The following KALRN variants were observed in gnomAD, a reference collection of about 807,000 sequenced individuals.
KALRN encodes kalirin RhoGEF kinase, also known as kalirin.
Under a neutral mutation model 353.7 loss-of-function variants are expected in KALRN, and 70 were observed. The observed-to-expected ratio is 0.20, with a 90% confidence interval of 0.16 to 0.24. The LOEUF is 0.24. Among genes scored for constraint, KALRN ranks in the 10% least tolerant of loss-of-function variants. The pLI, the probability that KALRN is intolerant of heterozygous loss-of-function variation, is 1.00. For missense variants in KALRN, 2,791 were observed against 3,756.7 expected (o/e 0.74, Z 6.72); for synonymous variants, 1,391 against 1,434.8 (o/e 0.97, Z 0.69).
intron 1 of KALRN, among the ~76,000 whole-genome samples, chr3:124,096,998 A>G (rs1026921975): frequency 2.0e-5 from 3 of 152,220 alleles, no homozygotes; most frequent in African/African-American, 7.2e-5. Flanking sequence ...GGTTTTCCTT[A>G]ATGTGAAGTT....
At chr3:124,238,944 C>T (rs2080109955) in intron 3 of KALRN, among the ~76,000 whole-genome samples, 1 of 152,152 alleles carries the variant, frequency 6.6e-6, no homozygotes, top group Admixed American at 6.5e-5. Context: ...GGGAAGAAAC[C>T]TTAAACGTCT....
At chr3:124,270,611 T>C (rs2074031599) in intron 5 of KALRN, among the ~76,000 whole-genome samples, 1 of 152,138 alleles carries the variant, frequency 6.6e-6, no homozygotes, top group African/African-American at 2.4e-5. Flanking sequence ...TGGGAACTTC[T>C]GACCTTTCTT....
At chr3:124,272,683 G>C (rs1019010870) in intron 5 of KALRN, among the ~76,000 whole-genome samples, 2 of 152,156 alleles carry the variant, frequency 1.3e-5, no homozygotes, top group African/African-American at 4.8e-5. Context: ...AATATTTTGA[G>C]GTTGAGTCAG....
At position 124,681,629 on chromosome 3, in the gene KALRN, CTT is replaced by C. The variant is rs56934346; in HGVS notation, c.7377+2133_7377+2134del. Among the ~76,000 whole-genome samples the C allele has an allele frequency of 5.1e-3, 533 of 103,688 alleles. 1 individual carries two copies. Among genetic ancestry groups the C allele is most frequent in the African/African-American group, 7.3e-3 (188 of 25,676 alleles). The allele number at this position is 103,688 out of a possible 152,430, so 68.0% of individuals were successfully genotyped here. A position where few individuals can be genotyped will look rare whatever the true frequency, so the allele number is the denominator to read the frequency against. ...CATCCTTTTAAATTTCAGTGATTGT[CTT>C]TTTTTTTTTTTTTTTTTTTTGACGT... On this transcript the variant is annotated intron_variant, in intron 51 of 59. Coordinates refer to ENST00000682506, the MANE Select transcript of KALRN (RefSeq NM_001388419.1).
At chr3:124,186,374 A>G (rs1345611028) in intron 1 of KALRN, among the ~76,000 whole-genome samples, 3 of 152,198 alleles carry the variant, frequency 2.0e-5, no homozygotes, top group African/African-American at 4.8e-5. Flanking sequence ...CAGCATTCCC[A>G]AATGTAAATA....
chr3:124,178,474 T>C (rs1476113757), intron 1 of KALRN, among the ~76,000 whole-genome samples: 3 of 152,230 alleles, frequency 2.0e-5, no homozygotes, highest in Non-Finnish European at 2.9e-5. Context: ...ATCTAGATGG[T>C]ACAGACTACT....
intron 1 of KALRN, among the ~76,000 whole-genome samples, chr3:124,037,492 G>T (rs2039539435): frequency 1.3e-5 from 2 of 152,190 alleles, no homozygotes; most frequent in African/African-American, 4.8e-5. Flanking sequence ...GTGGAGATTG[G>T]ATTTGATTCT....
At chr3:124,105,302 T>A (rs1166232305) in intron 1 of KALRN, among the ~76,000 whole-genome samples, 1 of 152,074 alleles carries the variant, frequency 6.6e-6, no homozygotes, top group African/African-American at 2.4e-5. Context: ...ATTTAGAAAC[T>A]TTGAGTTTTA....
At chr3:124,176,033 T>C (rs1179813898) in intron 1 of KALRN, among the ~76,000 whole-genome samples, 2 of 152,164 alleles carry the variant, frequency 1.3e-5, no homozygotes, top group Admixed American at 1.3e-4. Context: ...AGCCCCCCTT[T>C]ATAACCTCTT....
Position 124,721,794 on chromosome 3 carries a change from A to G in KALRN, c.*2324A>G, listed in dbSNP as rs2063358968. The stretch of plus-strand genomic sequence containing the variant: ...AACATGGTGAAACCCTGTCTCCACT[A>G]AAAATACAAAAAAATCATCTGGGCG... On this transcript the variant is annotated 3_prime_UTR_variant, in exon 60 of 60. Transcript: ENST00000682506. The G allele has an allele frequency of 6.6e-6, 1 of 152,148 alleles. No homozygotes were observed. Among genetic ancestry groups the G allele is most frequent in the South Asian group, 2.1e-4 (1 of 4,820 alleles). The allele number at this position is 152,148 out of a possible 1,614,324, so 9.4% of individuals were successfully genotyped here.
intron 13 of KALRN, among the ~76,000 whole-genome samples, chr3:124,402,022 C>T (rs1220858975): frequency 1.3e-5 from 2 of 152,062 alleles, no homozygotes; most frequent in Non-Finnish European, 2.9e-5. Flanking sequence ...GGTTTCCTTC[C>T]TAAAGGAAGG....
chr3:124,181,210 C>G (rs1247121362), intron 1 of KALRN, among the ~76,000 whole-genome samples: 1 of 151,664 alleles, frequency 6.6e-6, no homozygotes, highest in Admixed American at 6.6e-5. Context: ...AAGATCTCAC[C>G]ACTGCACTCC....
chr3:124,512,389 C>T (rs563155316), intron 33 of KALRN, among the ~76,000 whole-genome samples: 6 of 152,268 alleles, frequency 3.9e-5, no homozygotes, highest in Non-Finnish European at 5.9e-5. Context: ...CGGTGGCTTA[C>T]GCCTATAATC....
At chr3:124,384,600 T>C in intron 10 of KALRN, 1 of 398,696 alleles carries the variant, frequency 2.5e-6, no homozygotes, top group Non-Finnish European at 4.5e-6. Context: ...TCCCCACTTC[T>C]TTCCAGGGAC....
chr3:124,165,835 G>A (rs2070754190), intron 1 of KALRN, among the ~76,000 whole-genome samples: 1 of 152,166 alleles, frequency 6.6e-6, no homozygotes, highest in South Asian at 2.1e-4. Context: ...CGGCCTGTAA[G>A]GCCTCACATG....
intron 26 of KALRN, 125 bp downstream of exon 26, chr3:124,474,857 G>A (rs1337598652): frequency 1.3e-6 from 1 of 775,518 alleles, no homozygotes; most frequent in Non-Finnish European, 2.3e-6. Context: ...GGGACCATGA[G>A]TAGGTCTGAG....
chr3:124,494,418 C>T (rs776085180), intron 32 of KALRN, among the ~76,000 whole-genome samples: 33 of 152,340 alleles, frequency 2.2e-4, no homozygotes, highest in Admixed American at 1.3e-3. Flanking sequence ...GCCAGAATAG[C>T]GGGAAGCAGA....
At chr3:124,352,065 G>C (rs550371764) in intron 10 of KALRN, among the ~76,000 whole-genome samples, 2 of 152,276 alleles carry the variant, frequency 1.3e-5, no homozygotes, top group Admixed American at 1.3e-4. Context: ...TAGAAGTCCC[G>C]GGCACTGGCG....
chr3:124,171,909 C>T (rs750468408), intron 1 of KALRN, among the ~76,000 whole-genome samples: 18 of 152,176 alleles, frequency 1.2e-4, no homozygotes, highest in Admixed American at 5.2e-4. Context: ...GCTCTCTCTC[C>T]GCAGATCTTG....
Sources: gnomAD v4.1 joint callset for allele counts (sites outside exome capture counted in the v4.1 genomes callset) on GRCh38, gnomAD v4.1.1 for gene constraint, MANE v1.5 for transcripts, NCBI Gene and HGNC (gene_info 2026-07-23, HGNC 2026-07-21) for gene names.